PDE1C: variants seen among roughly 807,000 people sequenced by gnomAD.
PDE1C encodes the protein dual specificity calcium/calmodulin-dependent 3',5'-cyclic nucleotide phosphodiesterase 1C.
PDE1C carries 62 observed loss-of-function variants against 93.1 expected under a neutral mutation model. The ratio of observed to expected loss-of-function variants is 0.67; its 90% CI spans 0.54 to 0.82. The LOEUF is 0.82. PDE1C is among the 40% of genes least tolerant of loss of function. The pLI is 0.00. For synonymous variants in PDE1C, 325 were observed against 310.1 expected, an observed-to-expected ratio of 1.05 and a Z score of -0.50; for missense variants, 742 against 884.6, an observed-to-expected ratio of 0.84 and a Z score of 2.04.
chr7:32,303,693 C>T (rs1015112404), upstream of PDE1C, among the ~76,000 whole-genome samples: 5 of 152,220 alleles, frequency 3.3e-5, no homozygotes, highest in African/African-American at 9.6e-5. Context: ...GTGCCAAAAA[C>T]GTACCCAGAA....
chr7:31,774,025 T>C (rs142070889), intron 17 of PDE1C, among the ~76,000 whole-genome samples: 7 of 152,304 alleles, frequency 4.6e-5, no homozygotes, highest in South Asian at 2.1e-4. Flanking sequence ...AGTCCACTTG[T>C]TTGACTTGGG....
chr7:31,834,608 T>C (rs1420307755), intron 11 of PDE1C, among the ~76,000 whole-genome samples: 4 of 151,926 alleles, frequency 2.6e-5, no homozygotes, highest in African/African-American at 9.7e-5. Context: ...CTGTAACCCC[T>C]TTGTTTGCCC....
At chr7:31,969,696 T>C (rs2129046921) in intron 2 of PDE1C, among the ~76,000 whole-genome samples, 1 of 152,292 alleles carries the variant, frequency 6.6e-6, no homozygotes, top group Admixed American at 6.5e-5. Context: ...TGCACACATA[T>C]GTTTATTGCA....
chr7:31,998,193 G>T (rs1052668709), intron 2 of PDE1C, among the ~76,000 whole-genome samples: 1 of 151,780 alleles, frequency 6.6e-6, no homozygotes, highest in Non-Finnish European at 1.5e-5. Flanking sequence ...CTAATTTTTT[G>T]TATTTTTAGT....
intron 2 of PDE1C, among the ~76,000 whole-genome samples, chr7:32,015,189 A>G (rs1164118994): frequency 1.3e-5 from 2 of 152,102 alleles, no homozygotes; most frequent in Non-Finnish European, 1.5e-5. Flanking sequence ...CAGTCAATTA[A>G]ACCTCTTCCC....
At chr7:32,250,645 G>A (rs1809308544) in intron 1 of PDE1C, among the ~76,000 whole-genome samples, 1 of 152,196 alleles carries the variant, frequency 6.6e-6, no homozygotes, top group Non-Finnish European at 1.5e-5. Flanking sequence ...TGATAATGCT[G>A]TAGCCACATC....
At chr7:31,915,358 C>A (rs886454314) in intron 2 of PDE1C, among the ~76,000 whole-genome samples, 2 of 152,176 alleles carry the variant, frequency 1.3e-5, no homozygotes, top group African/African-American at 2.4e-5. Flanking sequence ...CACAGTCCTT[C>A]AACCTGGGTC....
At chr7:32,284,156 A>G (rs1811855810) in intron 1 of PDE1C, among the ~76,000 whole-genome samples, 1 of 152,248 alleles carries the variant, frequency 6.6e-6, no homozygotes, top group African/African-American at 2.4e-5. Flanking sequence ...GGCAAATAGG[A>G]CTGACTGCAC....
At chr7:32,202,151 T>G (rs967291354) in intron 2 of PDE1C, among the ~76,000 whole-genome samples, 4 of 152,214 alleles carry the variant, frequency 2.6e-5, no homozygotes, top group African/African-American at 9.7e-5. Flanking sequence ...ACATCTGGGT[T>G]ACATGTATCA....
upstream of PDE1C, among the ~76,000 whole-genome samples, chr7:32,302,833 G>A (rs918284537): frequency 6.6e-6 from 1 of 152,168 alleles, no homozygotes; most frequent in East Asian, 1.9e-4. Context: ...CAGGTAGGAA[G>A]CTACCTACTA....
At chr7:32,161,834 C>T (rs754118225) in intron 3 of PDE1C, among the ~76,000 whole-genome samples, 7 of 152,198 alleles carry the variant, frequency 4.6e-5, no homozygotes, top group Non-Finnish European at 7.3e-5. Context: ...ATAACTCACA[C>T]TTTGTAAAAT....
chr7:31,898,020 T>TTTTGTG (rs768171747), intron 2 of PDE1C, among the ~76,000 whole-genome samples: 13 of 145,946 alleles, frequency 8.9e-5, no homozygotes, highest in Admixed American at 6.8e-5. Context: ...TTTGGTTTCT[T>TTTTGTG]TGTGTGTGTG....
At chr7:32,316,225 G>A (rs1374426231) in intron 1 of PDE1C, among the ~76,000 whole-genome samples, 3 of 152,096 alleles carry the variant, frequency 2.0e-5, no homozygotes, top group Non-Finnish European at 2.9e-5. Context: ...TCTATTTCTG[G>A]TGGTAGTTTA....
At chr7:31,692,612 G>A in the PDE1C span, 6,739 of 1,253,512 alleles carry the variant, frequency 5.4e-3, 246 homozygotes, top group African/African-American at 0.083. Flanking sequence ...TCAGAGAGAG[G>A]GCACCCCCCG....
chr7:31,875,252 C>T (rs1411946237), intron 5 of PDE1C, among the ~76,000 whole-genome samples: 1 of 152,144 alleles, frequency 6.6e-6, no homozygotes, highest in Admixed American at 6.5e-5. Context: ...AAGGAAAGGG[C>T]TCTCTATCAC....
At chr7:32,238,766 T>G (rs1357199376) in intron 1 of PDE1C, among the ~76,000 whole-genome samples, 5 of 152,174 alleles carry the variant, frequency 3.3e-5, no homozygotes, top group Admixed American at 6.5e-5. Flanking sequence ...ATAGAACAAG[T>G]TACAAATTAG....
At chr7:31,880,391 A>G (rs577165289) in intron 3 of PDE1C, among the ~76,000 whole-genome samples, 1 of 152,362 alleles carries the variant, frequency 6.6e-6, no homozygotes, top group East Asian at 1.9e-4. Context: ...GAATTAAAAC[A>G]TAAACTCAAT....
chr7:31,973,339 C>T (rs1180700062), intron 2 of PDE1C, among the ~76,000 whole-genome samples: 1 of 151,978 alleles, frequency 6.6e-6, no homozygotes, highest in East Asian at 1.9e-4. Context: ...AAAAACAAAC[C>T]TGCAGATTTA....
intron 5 of PDE1C, among the ~76,000 whole-genome samples, chr7:31,877,562 G>A (rs542887595): frequency 8.6e-5 from 13 of 151,172 alleles, no homozygotes; most frequent in Non-Finnish European, 1.5e-4. Flanking sequence ...GCTGAGTCTC[G>A]GTTTCTTCAT....
Sources: allele counts gnomAD v4.1 joint callset (sites outside exome capture counted in the v4.1 genomes callset), GRCh38; gene constraint gnomAD v4.1.1; transcripts MANE v1.5; gene names NCBI Gene and HGNC (gene_info 2026-07-23, HGNC 2026-07-21).